CACNA1E: variants seen among roughly 807,000 people sequenced by gnomAD.
The protein encoded by CACNA1E is voltage-dependent R-type calcium channel subunit alpha-1E.
Under a neutral mutation model 259.2 loss-of-function variants are expected in CACNA1E, and 40 were observed. That is an observed-to-expected ratio of 0.15 (90% confidence interval 0.12 to 0.20). The LOEUF (loss-of-function observed/expected upper bound fraction) is 0.20. CACNA1E is among the 10% of genes least tolerant of loss of function. The pLI is 1.00. For missense variants in CACNA1E, 1,874 were observed against 3,040.1 expected, an observed-to-expected ratio of 0.62 and a Z score of 9.02; for synonymous variants, 1,104 against 1,138.5, an observed-to-expected ratio of 0.97 and a Z score of 0.61.
intron 1 of CACNA1E, among the ~76,000 whole-genome samples, chr1:181,372,379 C>G (rs925398658): frequency 6.6e-6 from 1 of 152,072 alleles, no homozygotes; most frequent in Non-Finnish European, 1.5e-5. Context: ...GGATTACATT[C>G]TTGATTTGGC....
At chr1:181,519,613 G>A (rs563619315) in intron 3 of CACNA1E, among the ~76,000 whole-genome samples, 4 of 152,268 alleles carry the variant, frequency 2.6e-5, no homozygotes, top group South Asian at 4.1e-4. Flanking sequence ...AGACTAAAGT[G>A]CATGTTGCTA....
Position 181,798,399 on chromosome 1 carries a change from C to G in CACNA1E, c.6507C>G (p.Leu2169=), listed in dbSNP as rs1662000010. The change falls in exon 48 of 48, where the codon CTC becomes CTG. Residue 2169 remains leucine, a synonymous_variant. Coordinates refer to ENST00000367573, the MANE Select transcript of CACNA1E (RefSeq NM_001205293.3). The surrounding 1 kb of genome is among the most constrained non-coding windows in gnomAD (Gnocchi z 4.2). ...LPPVPPKPRP[L]LSYSSLIRHA... The stretch of plus-strand genomic sequence containing the variant: ...CCGTCCCGCCAAAGCCCCGGCCCCT[C>G]CTTTCCTACAGCTCCCTGATTCGAC... 1.9e-6 allele frequency: 3 copies of G among 1,613,624 alleles called. No homozygotes were observed. Among genetic ancestry groups the G allele is most frequent in the Non-Finnish European group, 1.7e-6 (2 of 1,179,888 alleles).
At chr1:181,664,049 T>A (rs1647954133) in intron 7 of CACNA1E, among the ~76,000 whole-genome samples, 1 of 152,230 alleles carries the variant, frequency 6.6e-6, no homozygotes, top group African/African-American at 2.4e-5. Context: ...TTAGAGCATT[T>A]GGTTTATAAA....
intron 3 of CACNA1E, among the ~76,000 whole-genome samples, chr1:181,554,407 G>A (rs532916860): frequency 1.3e-5 from 2 of 152,324 alleles, no homozygotes; most frequent in East Asian, 3.9e-4. Context: ...CATTGTGTCA[G>A]TGTAGCAGAT....
intron 6 of CACNA1E, among the ~76,000 whole-genome samples, chr1:181,637,806 T>TAACATTCA (rs1657377726): frequency 6.6e-6 from 1 of 152,236 alleles, no homozygotes; most frequent in Admixed American, 6.5e-5. Context: ...TTAGTGAAGG[T>TAACATTCA]AACATTCAGT....
At chr1:181,724,887 G>T (rs77290072) in intron 17 of CACNA1E, among the ~76,000 whole-genome samples, 6 of 152,262 alleles carry the variant, frequency 3.9e-5, no homozygotes, top group African/African-American at 7.2e-5. Flanking sequence ...ACCTGCGGCT[G>T]TGTGACCTGA....
intron 37 of CACNA1E, among the ~76,000 whole-genome samples, chr1:181,775,070 T>G (rs149305904): frequency 2.0e-3 from 305 of 152,358 alleles, no homozygotes; most frequent in Admixed American, 3.6e-3. Context: ...CATCTCAAGA[T>G]GGCTGTAGTG....
intron 6 of CACNA1E, among the ~76,000 whole-genome samples, chr1:181,586,275 G>T (rs1045934737): frequency 3.3e-5 from 5 of 152,208 alleles, no homozygotes; most frequent in African/African-American, 1.2e-4. Flanking sequence ...TGTTAAATTT[G>T]CCATGCTCAT....
At chr1:181,603,334 A>C (rs564010049) in intron 6 of CACNA1E, among the ~76,000 whole-genome samples, 4 of 152,284 alleles carry the variant, frequency 2.6e-5, no homozygotes, top group African/African-American at 9.6e-5. Flanking sequence ...GCCTGTCTGC[A>C]GGGTCTTTGC....
chr1:181,640,129 G>A (rs1203716230), intron 6 of CACNA1E, among the ~76,000 whole-genome samples: 8 of 152,184 alleles, frequency 5.3e-5, no homozygotes. Flanking sequence ...CTTACAAATG[G>A]AGCTGACCAG....
chr1:181,799,168 G>A lies in CACNA1E; in HGVS notation c.*334G>A. 1.5e-5 allele frequency: 3 copies of A among 205,616 alleles called. No homozygotes were observed. The highest frequency in any genetic ancestry group is 1.9e-5 in the Non-Finnish European group (2 of 102,820). 12.7% of individuals were successfully genotyped at this position (205,616 alleles called of 1,614,324 possible). ...TCCCACTTTTCTAAAAGCTGTGGAG[G>A]GATCTAGCTGGCCTATGTCTACACT... On this transcript the variant is annotated 3_prime_UTR_variant, in exon 48 of 48. Coordinates refer to ENST00000367573, the MANE Select transcript of CACNA1E (RefSeq NM_001205293.3).
intron 2 of CACNA1E, among the ~76,000 whole-genome samples, chr1:181,430,743 G>A (rs1313618102): frequency 6.6e-6 from 1 of 152,188 alleles, no homozygotes; most frequent in African/African-American, 2.4e-5. Flanking sequence ...CCAAAGACAA[G>A]CTTTAGCTGT....
At chr1:181,521,960 C>T (rs60253177) in intron 3 of CACNA1E, among the ~76,000 whole-genome samples, 12,135 of 152,110 alleles carry the variant, frequency 0.08, 612 homozygotes, top group South Asian at 0.25. Context: ...TAGGCAGGGA[C>T]CACATCATTC....
At chr1:181,745,155 A>G (rs1021227809) in intron 25 of CACNA1E, among the ~76,000 whole-genome samples, 7 of 152,076 alleles carry the variant, frequency 4.6e-5, no homozygotes, top group South Asian at 2.1e-4. Flanking sequence ...CTGAAAGGAG[A>G]TAAGTCCTCA....
intron 1 of CACNA1E, among the ~76,000 whole-genome samples, chr1:181,411,986 G>A (rs968894890): frequency 1.3e-5 from 2 of 152,394 alleles, no homozygotes; most frequent in South Asian, 4.1e-4. Flanking sequence ...GGTCACAATC[G>A]ATGTTCTTCC....
intron 36 of CACNA1E, chr1:181,771,613 G>A (rs112766358): frequency 2.9e-4 from 153 of 529,040 alleles, no homozygotes; most frequent in African/African-American, 2.9e-3. Context: ...TCTGATCTTG[G>A]AAGCTAAGCA....
intron 1 of CACNA1E, among the ~76,000 whole-genome samples, chr1:181,335,404 A>G (rs988958567): frequency 6.6e-6 from 1 of 152,220 alleles, no homozygotes; most frequent in African/African-American, 2.4e-5. Flanking sequence ...TGTGCAGGAC[A>G]CTGTCAAACC....
At chr1:181,397,364 G>C (rs1032437333) in intron 1 of CACNA1E, among the ~76,000 whole-genome samples, 1 of 151,918 alleles carries the variant, frequency 6.6e-6, no homozygotes, top group Non-Finnish European at 1.5e-5. Context: ...GCAGTGGCAC[G>C]ATCTTAGCTC....
chr1:181,454,289 C>T (rs1273720342), intron 2 of CACNA1E, among the ~76,000 whole-genome samples: 1 of 152,244 alleles, frequency 6.6e-6, no homozygotes, highest in Non-Finnish European at 1.5e-5. Flanking sequence ...CTCCCCAGAG[C>T]CTCCAGGGGA....
Sources: gnomAD v4.1 joint callset for allele counts (sites outside exome capture counted in the v4.1 genomes callset) on GRCh38, gnomAD v4.1.1 for gene constraint, Gnocchi (gnomAD v3.1) non-coding constraint, MANE v1.5 for transcripts, NCBI Gene and HGNC (gene_info 2026-07-23, HGNC 2026-07-21) for gene names.